Variants in RABGEF1 observed in about 807,000 individuals in gnomAD.
RABGEF1 encodes the protein rab5 GDP/GTP exchange factor.
Under a neutral mutation model 57.3 loss-of-function variants are expected in RABGEF1, and 26 were observed. The observed-to-expected ratio is 0.45, with a 90% CI of 0.33 to 0.63. The LOEUF is 0.63. RABGEF1 is among the 20% of genes least tolerant of loss of function. The pLI is 0.02. For synonymous variants in RABGEF1, 185 were observed against 210.7 expected (o/e 0.88, Z 1.06); for missense variants, 464 against 607.6 (o/e 0.76, Z 2.48).
At chr7:66,662,238 C>CAAAAA in the RABGEF1 span, among the ~76,000 whole-genome samples, 1 of 88,138 alleles carries the variant, frequency 1.1e-5, no homozygotes, top group Non-Finnish European at 2.3e-5. Flanking sequence ...GACTCCGTCT[C>CAAAAA]AAAAAAAAAA....
intron 7 of RABGEF1, among the ~76,000 whole-genome samples, chr7:66,799,826 C>T (rs906778303): frequency 3.3e-4 from 50 of 152,168 alleles, no homozygotes; most frequent in African/African-American, 1.1e-3. Flanking sequence ...GTAATCCCCA[C>T]GCTGGAGTAA....
At chr7:66,719,358 A>G (rs562044294) in intron 2 of RABGEF1, among the ~76,000 whole-genome samples, 15 of 152,144 alleles carry the variant, frequency 9.9e-5, no homozygotes, top group East Asian at 3.9e-4. Context: ...GCACGCCACC[A>G]AGCCCAGCTA....
chr7:66,702,347 T>G lies in RABGEF1; in HGVS notation c.-872-9820T>G, dbSNP rs374526076. 6.3e-5 allele frequency among the ~76,000 whole-genome samples: 9 copies of G among 143,982 alleles called. No individual in the cohort carries two copies. The South Asian group carries it at 9.1e-4, about 15-fold the overall frequency. The allele number at this position is 143,982 out of a possible 152,430, so 94.5% of individuals were successfully genotyped here. A position where few individuals can be genotyped will look rare whatever the true frequency, so the allele number is the denominator to read the frequency against. Reference sequence around the variant, plus strand: ...TTCCACCTTCTGGCTATTGTTTTGTTTGTGTGTGTGTGTGTGTGTGTGTGT... The same window carrying G: ...TTCCACCTTCTGGCTATTGTTTTGTGTGTGTGTGTGTGTGTGTGTGTGTGT... On this transcript the variant is annotated intron_variant and NMD_transcript_variant, in intron 1 of 9. Transcript: ENST00000607882.
the RABGEF1 span, among the ~76,000 whole-genome samples, chr7:66,663,340 T>G: frequency 6.6e-6 from 1 of 152,186 alleles, no homozygotes; most frequent in African/African-American, 2.4e-5. Context: ...TATTTTTGTG[T>G]GTGTGTCTTT....
chr7:66,752,780 T>C (rs575215718), intron 1 of RABGEF1, among the ~76,000 whole-genome samples: 29 of 152,364 alleles, frequency 1.9e-4, no homozygotes, highest in Non-Finnish European at 3.7e-4. Context: ...CCAAGTGATA[T>C]TGATGTACAT....
intron 7 of RABGEF1, among the ~76,000 whole-genome samples, chr7:66,804,379 CTCT>C (rs1307461957): frequency 6.6e-6 from 1 of 152,196 alleles, no homozygotes; most frequent in Non-Finnish European, 1.5e-5. Flanking sequence ...AGTAAAAAGA[CTCT>C]TCATCAGACA....
intron 2 of RABGEF1, among the ~76,000 whole-genome samples, chr7:66,724,705 T>C (rs985484138): frequency 1.2e-4 from 19 of 152,322 alleles, no homozygotes; most frequent in African/African-American, 4.3e-4. Flanking sequence ...TCTTGGATCT[T>C]TGGGTTCATG....
At chr7:66,702,341 TTTTG>T (rs1227026748) in intron 1 of RABGEF1, among the ~76,000 whole-genome samples, 2 of 136,522 alleles carry the variant, frequency 1.5e-5, no homozygotes, top group East Asian at 2.1e-4. Flanking sequence ...CTGGCTATTG[TTTTG>T]TTTGTGTGTG....
At chr7:66,729,142 G>C (rs1289906197) in intron 2 of RABGEF1, among the ~76,000 whole-genome samples, 1 of 151,778 alleles carries the variant, frequency 6.6e-6, no homozygotes, top group African/African-American at 2.4e-5. Flanking sequence ...AGTAGATATG[G>C]GGTTTCACTG....
intron 4 of RABGEF1, among the ~76,000 whole-genome samples, chr7:66,790,500 G>C (rs183786487): frequency 6.6e-6 from 1 of 152,174 alleles, no homozygotes; most frequent in Non-Finnish European, 1.5e-5. Context: ...CTGGTTTAGG[G>C]GAAAGAGCTG....
intron 1 of RABGEF1, among the ~76,000 whole-genome samples, chr7:66,771,478 A>G (rs1369036638): frequency 6.6e-6 from 1 of 151,936 alleles, no homozygotes; most frequent in Non-Finnish European, 1.5e-5. Flanking sequence ...TATTTGTCTG[A>G]TTTTGCTTTT....
At chr7:66,758,836 C>G (rs1182755475) in intron 1 of RABGEF1, among the ~76,000 whole-genome samples, 3 of 152,152 alleles carry the variant, frequency 2.0e-5, no homozygotes, top group Non-Finnish European at 4.4e-5. Flanking sequence ...ACACATTAGT[C>G]CCATGATAGG....
intron 1 of RABGEF1, among the ~76,000 whole-genome samples, chr7:66,698,841 C>A (rs1481644628): frequency 6.6e-6 from 1 of 152,216 alleles, no homozygotes; most frequent in African/African-American, 2.4e-5. Context: ...ACTCCTCCAC[C>A]TTTCTAACCT....
the RABGEF1 span, among the ~76,000 whole-genome samples, chr7:66,670,978 ACT>A: frequency 4.0e-5 from 6 of 151,318 alleles, no homozygotes; most frequent in Non-Finnish European, 4.4e-5. Flanking sequence ...TGTGTGTGAT[ACT>A]CTCATTATTT....
At chr7:66,794,207 A>ATTTTTTTTTTTTTTTTT (rs1174835014) in intron 4 of RABGEF1, among the ~76,000 whole-genome samples, 1 of 91,104 alleles carries the variant, frequency 1.1e-5, no homozygotes. Context: ...TCCATGTTTA[A>ATTTTTTTTTTTTTTTTT]TTTTTTTTTT....
intron 1 of RABGEF1, among the ~76,000 whole-genome samples, chr7:66,690,945 G>A (rs1026878491): frequency 6.7e-6 from 1 of 150,128 alleles, no homozygotes; most frequent in African/African-American, 2.4e-5. Flanking sequence ...AAAAAAATTA[G>A]CCGAGTGTGG....
At chr7:66,666,523 A>T in the RABGEF1 span, among the ~76,000 whole-genome samples, 1 of 152,176 alleles carries the variant, frequency 6.6e-6, no homozygotes, top group Non-Finnish European at 1.5e-5. Flanking sequence ...CCAGGCTCCC[A>T]GCTCAGGGTA....
rs1808258454 is a variant in RABGEF1 at position 66,775,311 on chromosome 7, AAAG to A, written c.267_269del (p.Lys90del). On this transcript the variant is annotated inframe_deletion, in exon 3 of 9. Transcript: ENST00000284957. ...CCCTCACATTCTCCAAGTTTGAAGAAAAGAAAACCAACGAGAAGACCCGCAAGG... is the reference window on the plus strand; with the variant it reads ...CCCTCACATTCTCCAAGTTTGAAGAAAAAACCAACGAGAAGACCCGCAAGG... The A allele has an allele frequency of 6.2e-7, 1 of 1,613,882 alleles. No homozygotes were observed. Among genetic ancestry groups the A allele is most frequent in the African/African-American group, 1.3e-5 (1 of 74,926 alleles).
At chr7:66,759,907 C>T (rs1205941976) in intron 1 of RABGEF1, among the ~76,000 whole-genome samples, 5 of 152,192 alleles carry the variant, frequency 3.3e-5, no homozygotes, top group African/African-American at 1.2e-4. Flanking sequence ...AAACTGATCA[C>T]CGTTACAGCA....
Sources: gnomAD v4.1 joint callset for allele counts (sites outside exome capture counted in the v4.1 genomes callset) on GRCh38, gnomAD v4.1.1 for gene constraint, MANE v1.5 for transcripts, NCBI Gene and HGNC (gene_info 2026-07-23, HGNC 2026-07-21) for gene names.